Variants in RASA3 observed in about 807,000 individuals in gnomAD.
RASA3 encodes the protein RAS p21 protein activator 3.
Under a neutral mutation model 110.0 loss-of-function variants are expected in RASA3, and 73 were observed. The observed-to-expected ratio is 0.66, with a 90% CI of 0.55 to 0.81. The LOEUF is 0.81. Ranked by LOEUF, RASA3 falls within the 30% of genes least tolerant of loss-of-function variation. The probability of loss-of-function intolerance (pLI) is 0.00; values close to 1 mark genes in which losing one functional copy is unlikely to be tolerated. For missense variants in RASA3, 976 were observed against 1,113.2 expected (o/e 0.88, Z 1.75); for synonymous variants, 500 against 451.4 (o/e 1.11, Z -1.37).
chr13:114,127,822 G>A (rs996606147), intron 1 of RASA3, among the ~76,000 whole-genome samples: 1 of 152,228 alleles, frequency 6.6e-6, no homozygotes, highest in Non-Finnish European at 1.5e-5. Flanking sequence ...CCGTGGAGCT[G>A]GGGTGCTTGG....
intron 1 of RASA3, among the ~76,000 whole-genome samples, chr13:114,104,722 T>C (rs1300568456): frequency 6.6e-6 from 1 of 152,114 alleles, no homozygotes; most frequent in Non-Finnish European, 1.5e-5. Context: ...TTCCGTTCCT[T>C]ATTTACGACT....
Position 114,118,867 on chromosome 13 carries a change from C to T in RASA3, c.55+13568G>A, listed in dbSNP as rs760926037. On this transcript the variant is annotated intron_variant, in intron 1 of 23. Transcript: ENST00000334062. ...AAACCCGCTGGTTCCAGTGCAGCTA[C>T]CCAGAGGGAAGCCTTGGGTGTGGGC... Among the ~76,000 whole-genome samples, 155 of 152,364 alleles carry T rather than the reference C, an allele frequency of 1.0e-3. 1 individual carries two copies. Among genetic ancestry groups the T allele is most frequent in the Non-Finnish European group, 2.1e-3 (142 of 68,034 alleles).
chr13:113,998,923 C>T (rs939844462), intron 20 of RASA3, among the ~76,000 whole-genome samples: 27 of 152,214 alleles, frequency 1.8e-4, no homozygotes, highest in African/African-American at 2.9e-4. Context: ...GTGGTCGCGC[C>T]GGCGACGTGC....
chr13:114,132,502 C>A lies in RASA3; in HGVS notation c.-13G>T. 6.9e-7 allele frequency: 1 copy of A among 1,459,436 alleles called. No individual in the cohort carries two copies. 90.4% of individuals were successfully genotyped at this position (1,459,436 alleles called of 1,614,324 possible). ...CCTCCACCGCCATGCTGCGCGTCCG[C>A]GCCCGCCGAGCCTCGCCCCAAGCGC... On this transcript the variant is annotated 5_prime_UTR_variant, in exon 1 of 24. Transcript: ENST00000334062.
chr13:113,991,763 G>A (rs559654102), intron 22 of RASA3, among the ~76,000 whole-genome samples: 5 of 152,332 alleles, frequency 3.3e-5, no homozygotes, highest in Admixed American at 3.3e-4. Context: ...AGAATTAGAT[G>A]GCATGTGTGT....
intron 1 of RASA3, among the ~76,000 whole-genome samples, chr13:114,082,967 GC>G (rs781320989): frequency 6.6e-6 from 1 of 152,228 alleles, no homozygotes. Context: ...ATCCTGGGCT[GC>G]ATTTAACCAG....
At chr13:114,103,542 A>T (rs865893359) in intron 1 of RASA3, among the ~76,000 whole-genome samples, 2 of 111,790 alleles carry the variant, frequency 1.8e-5, no homozygotes, top group African/African-American at 3.4e-5. Flanking sequence ...CCACACTGCC[A>T]CGGCCACAGA....
At chr13:114,035,038 G>A (rs567667413) in intron 4 of RASA3, among the ~76,000 whole-genome samples, 686 of 151,442 alleles carry the variant, frequency 4.5e-3, no homozygotes, top group African/African-American at 0.013. Flanking sequence ...AGATCTGAAC[G>A]CTGACCTGAG....
chr13:114,129,555 A>T (rs1397047479), intron 1 of RASA3, among the ~76,000 whole-genome samples: 2 of 152,228 alleles, frequency 1.3e-5, no homozygotes, highest in African/African-American at 2.4e-5. Context: ...TAAATGGCCA[A>T]TGCCCCTATA....
chr13:114,030,429 G>A (rs143145120), intron 4 of RASA3, among the ~76,000 whole-genome samples: 54 of 68,924 alleles, frequency 7.8e-4, no homozygotes, highest in African/African-American at 2.0e-3. Context: ...CTCACACAGA[G>A]GGCAAGGCTC....
intron 6 of RASA3, 140 bp from the exon 7 acceptor site, chr13:114,027,601 C>T (rs2054050568): frequency 1.3e-6 from 1 of 776,608 alleles, no homozygotes; most frequent in East Asian, 2.7e-5. Flanking sequence ...GTCTCCAACT[C>T]CAGATGGTAT....
At position 114,018,094 on chromosome 13, in the gene RASA3, G is replaced by T. The variant is rs934758723; in HGVS notation, c.1091+10C>A. The T allele has an allele frequency of 1.3e-6, 2 of 1,522,606 alleles. No individual in the cohort carries two copies. Among genetic ancestry groups the T allele is most frequent in the South Asian group, 2.5e-5 (2 of 80,692 alleles). 94.3% of individuals were successfully genotyped at this position (1,522,606 alleles called of 1,614,324 possible). ...AGGCCGCTCTCCCCCGGGGCAGGGTGGGCACTCACTGGGTCCGCTTCACCT... is the reference window on the plus strand; with the variant it reads ...AGGCCGCTCTCCCCCGGGGCAGGGTTGGCACTCACTGGGTCCGCTTCACCT... On this transcript the variant is annotated intron_variant, in intron 11 of 23. Coordinates refer to ENST00000334062, the MANE Select transcript of RASA3 (RefSeq NM_007368.4).
At chr13:114,097,376 C>T (rs772297388) in intron 1 of RASA3, among the ~76,000 whole-genome samples, 7 of 152,220 alleles carry the variant, frequency 4.6e-5, no homozygotes, top group South Asian at 4.1e-4. Context: ...CCCCACAGGG[C>T]GCCAGGAGCA....
chr13:114,046,831 G>A lies in RASA3; in HGVS notation c.277+5221C>T, dbSNP rs189215743. Among the ~76,000 whole-genome samples the A allele has an allele frequency of 1.6e-3, 243 of 152,332 alleles. 1 individual carries two copies. Among genetic ancestry groups the A allele is most frequent in the African/African-American group, 5.7e-3 (235 of 41,558 alleles). On this transcript the variant is annotated intron_variant, in intron 3 of 23. Transcript: ENST00000334062. The stretch of plus-strand genomic sequence containing the variant: ...AAATGTGCCAAAGTCATCAACGGAG[G>A]AAGGGTCGTCTTTCAGCCAAGGGTG...
intron 4 of RASA3, among the ~76,000 whole-genome samples, chr13:114,032,482 C>A (rs1412401985): frequency 2.6e-5 from 4 of 152,154 alleles, no homozygotes; most frequent in African/African-American, 9.7e-5. Flanking sequence ...CCTTCTGAAA[C>A]CCTTGCCTGT....
At position 114,048,599 on chromosome 13, in the gene RASA3, T is replaced by A. The variant is rs1273203329; in HGVS notation, c.277+3453A>T. On this transcript the variant is annotated intron_variant, in intron 3 of 23. Transcript: ENST00000334062. The surrounding 1 kb of genome is among the most constrained non-coding windows in gnomAD (Gnocchi z 4.3). ...GAGCCATAGTTTCCGGTCTGTGCTC[T>A]GTGAGGGCAGCGCCCGGCAGCCGAG... Among the ~76,000 whole-genome samples the A allele has an allele frequency of 2.6e-5, 4 of 152,206 alleles. No individual in the cohort carries two copies. Among genetic ancestry groups the A allele is most frequent in the African/African-American group, 9.7e-5 (4 of 41,446 alleles).
chr13:114,104,681 T>C (rs1463523857), intron 1 of RASA3, among the ~76,000 whole-genome samples: 1 of 152,188 alleles, frequency 6.6e-6, no homozygotes, highest in Non-Finnish European at 1.5e-5. Context: ...ACCTTCAGAA[T>C]AGGAGAAAAT....
rs1174998309 is a variant in RASA3 at position 114,000,103 on chromosome 13, TTGGGGTGGTCTCTGC to T, written c.1850-451_1850-437del. 2.1e-4 allele frequency among the ~76,000 whole-genome samples: 20 copies of T among 96,876 alleles called. No homozygotes were observed. In the South Asian group the frequency reaches 8.8e-3, roughly 42 times the overall value. 63.6% of individuals were successfully genotyped at this position (96,876 alleles called of 152,430 possible). ...GAGGGTCTCTGCTGGGCGGTCTCTG[TTGGGGTGGTCTCTGC>T]CAGGAGGGTCTCTGCTGGGGGGGGT... On this transcript the variant is annotated intron_variant, in intron 19 of 23. Coordinates refer to ENST00000334062, the MANE Select transcript of RASA3 (RefSeq NM_007368.4).
In RASA3 at chr13:114,013,142, C is replaced by T. The variant is rs912522784; in HGVS notation, c.1512G>A (p.Thr504=). The part of the protein sequence containing the change: ...PNLFQLTPHH[T]DPQTSRTLTL... ...CTCGGTCCCTCAGCCGGTCACTCAC[C>T]GTGTGGTGCGGCGTGAGCTGGAAGA... The change falls in exon 15 of 24, where the codon ACG becomes ACA. Residue 504 remains threonine, a splice_region_variant and synonymous_variant. Transcript: ENST00000334062. 29 of 1,611,360 alleles carry T rather than the reference C, an allele frequency of 1.8e-5. No individual in the cohort carries two copies. Among genetic ancestry groups the T allele is most frequent in the South Asian group, 2.2e-5 (2 of 90,564 alleles).
Sources: gnomAD v4.1 joint callset for allele counts (sites outside exome capture counted in the v4.1 genomes callset) on GRCh38, gnomAD v4.1.1 for gene constraint, Gnocchi (gnomAD v3.1) non-coding constraint, MANE v1.5 for transcripts, NCBI Gene and HGNC (gene_info 2026-07-23, HGNC 2026-07-21) for gene names.